Variants in DPH6 observed in about 807,000 individuals in gnomAD.
DPH6 encodes the protein diphthamine biosynthesis 6, also known as diphthine--ammonia ligase.
A neutral mutation model predicts 38.2 loss-of-function variants in DPH6; 33 were observed. That is an observed-to-expected ratio of 0.86 (90% confidence interval 0.65 to 1.15). The LOEUF (loss-of-function observed/expected upper bound fraction) is 1.15, where lower values mean the gene tolerates loss of function less well. Ranked by LOEUF, DPH6 falls within the 50% of genes most tolerant of loss-of-function variation. DPH6 has a pLI of 0.00. For synonymous variants in DPH6, 108 were observed against 103.0 expected (o/e 1.05, Z -0.30); for missense variants, 325 against 320.0 (o/e 1.02, Z -0.12).
intron 3 of DPH6, among the ~76,000 whole-genome samples, chr15:35,351,479 C>T (rs1038618954): frequency 6.6e-6 from 1 of 151,852 alleles, no homozygotes; most frequent in Non-Finnish European, 1.5e-5. Flanking sequence ...TTCTCTTGCT[C>T]CTCTCTTCTT....
At position 35,546,133 on chromosome 15, in the gene DPH6, G is replaced by A. The variant is rs1595461377; in HGVS notation, c.9C>T (p.Val3=). The change falls in exon 1 of 9, where the codon GTC becomes GTT. Residue 3 remains valine, a synonymous_variant. Transcript: ENST00000256538. ...GACCGCATTACCTGATCAGAGCCGC[G>A]ACCCTCATGCTGGGCGCAGTGCGCG... MR[V]AALISGGKDS... The A allele has an allele frequency of 2.1e-6, 3 of 1,405,478 alleles. No individual in the cohort carries two copies. The highest frequency in any genetic ancestry group is 3.2e-5 in the South Asian group (2 of 62,532). 87.1% of individuals were successfully genotyped at this position (1,405,478 alleles called of 1,614,324 possible).
intron 6 of DPH6, among the ~76,000 whole-genome samples, chr15:35,389,298 T>A (rs1322045105): frequency 6.6e-6 from 1 of 152,216 alleles, no homozygotes; most frequent in East Asian, 1.9e-4. Context: ...GGTGTGGTGC[T>A]GAAAAGAATG....
At chr15:35,258,732 C>G (rs1190852582) in intron 3 of DPH6, among the ~76,000 whole-genome samples, 1 of 152,080 alleles carries the variant, frequency 6.6e-6, no homozygotes, top group Non-Finnish European at 1.5e-5. Flanking sequence ...TATAAAGTTT[C>G]CTAAGGACTC....
At chr15:35,513,017 TTAAG>T (rs2054796142) in intron 3 of DPH6, among the ~76,000 whole-genome samples, 1 of 152,064 alleles carries the variant, frequency 6.6e-6, no homozygotes, top group African/African-American at 2.4e-5. Context: ...TGATAGAATA[TTAAG>T]TAATCATTAA....
At chr15:35,146,069 CTGTGTGTG>C in the DPH6 span, among the ~76,000 whole-genome samples, 5,038 of 147,068 alleles carry the variant, frequency 0.034, 216 homozygotes, top group African/African-American at 0.11. Context: ...CTTATAGTTT[CTGTGTGTG>C]TGTGTGTGTG....
At chr15:35,310,762 T>C (rs2052134321) in intron 3 of DPH6, among the ~76,000 whole-genome samples, 1 of 151,956 alleles carries the variant, frequency 6.6e-6, no homozygotes, top group African/African-American at 2.4e-5. Context: ...GTTTAGATCA[T>C]AAATTGGCCG....
intron 3 of DPH6, among the ~76,000 whole-genome samples, chr15:35,339,450 T>C (rs2052403397): frequency 6.6e-6 from 1 of 151,942 alleles, no homozygotes; most frequent in Non-Finnish European, 1.5e-5. Flanking sequence ...TCAGCCTCCC[T>C]AGTAGCTGGG....
chr15:35,483,457 C>G lies in DPH6; in HGVS notation c.313-28637G>C, dbSNP rs192287736. Among the ~76,000 whole-genome samples, 98 of 148,142 alleles carry G rather than the reference C, an allele frequency of 6.6e-4. No individual in the cohort carries two copies. The East Asian group carries it at 0.017, about 26-fold the overall frequency. Reference sequence around the variant, plus strand: ...CCAGCCTGGGCAACAGAGCGAGACTCTGTCTCAAAAAAAAACCAAAAAAAA... The same window carrying G: ...CCAGCCTGGGCAACAGAGCGAGACTGTGTCTCAAAAAAAAACCAAAAAAAA... On this transcript the variant is annotated intron_variant, in intron 3 of 8. Transcript: ENST00000256538.
intron 6 of DPH6, among the ~76,000 whole-genome samples, chr15:35,409,108 T>C (rs556067585): frequency 6.6e-6 from 1 of 151,924 alleles, no homozygotes; most frequent in African/African-American, 2.4e-5. Flanking sequence ...GCCTCAGCCA[T>C]ATAAATAGGA....
At chr15:35,496,567 A>AAAAAAAAAAAAAAAAAAAAAAT in intron 3 of DPH6, among the ~76,000 whole-genome samples, 1 of 31,014 alleles carries the variant, frequency 3.2e-5, no homozygotes, top group African/African-American at 1.4e-4. Flanking sequence ...AAAAAAAAAA[A>AAAAAAAAAAAAAAAAAAAAAAT]ATATATATAT....
intron 3 of DPH6, among the ~76,000 whole-genome samples, chr15:35,470,581 G>A (rs893312693): frequency 5.3e-5 from 8 of 152,286 alleles, no homozygotes; most frequent in Middle Eastern, 3.4e-3. Flanking sequence ...AAGGTAACAC[G>A]TTTGCTCCTA....
intron 3 of DPH6, among the ~76,000 whole-genome samples, chr15:35,504,569 T>C (rs901787886): frequency 2.0e-5 from 3 of 151,914 alleles, no homozygotes; most frequent in African/African-American, 7.3e-5. Context: ...CTAATAAATC[T>C]GGGTCATTCT....
intron 6 of DPH6, among the ~76,000 whole-genome samples, chr15:35,404,548 T>G (rs907445383): frequency 3.3e-5 from 5 of 152,152 alleles, no homozygotes; most frequent in African/African-American, 1.2e-4. Flanking sequence ...CATTCAATTC[T>G]TTTGTCCATT....
At chr15:35,428,883 T>C (rs2053600302) in intron 5 of DPH6, among the ~76,000 whole-genome samples, 1 of 152,130 alleles carries the variant, frequency 6.6e-6, no homozygotes, top group African/African-American at 2.4e-5. Context: ...CCCACTTTTA[T>C]GCAATCTTTC....
At chr15:35,358,705 G>T (rs1227733364) in intron 3 of DPH6, among the ~76,000 whole-genome samples, 1 of 152,136 alleles carries the variant, frequency 6.6e-6, no homozygotes, top group Non-Finnish European at 1.5e-5. Flanking sequence ...TGGTATTGGG[G>T]GTTGTCTGCA....
intron 3 of DPH6, among the ~76,000 whole-genome samples, chr15:35,480,978 T>TA (rs11332940): frequency 1.7e-4 from 26 of 150,062 alleles, no homozygotes; most frequent in Non-Finnish European, 3.6e-4. Context: ...GGGTATTCTT[T>TA]AAAAAAAAAA....
chr15:35,355,346 T>A (rs1260128326), intron 3 of DPH6, among the ~76,000 whole-genome samples: 1 of 152,210 alleles, frequency 6.6e-6, no homozygotes, highest in East Asian at 1.9e-4. Context: ...AGGTAGTAAT[T>A]TTGCTCGTTA....
At chr15:35,478,367 A>ACC (rs1491447324) in intron 3 of DPH6, among the ~76,000 whole-genome samples, 2 of 8,214 alleles carry the variant, frequency 2.4e-4, no homozygotes, top group African/African-American at 2.6e-4. Flanking sequence ...ACCCACACAT[A>ACC]CACACACACA....
intron 3 of DPH6, among the ~76,000 whole-genome samples, chr15:35,252,006 G>A (rs966099547): frequency 1.3e-5 from 2 of 152,206 alleles, no homozygotes; most frequent in Non-Finnish European, 2.9e-5. Context: ...AGGCGTGGTA[G>A]TGGGGGGCCT....
Sources: gnomAD v4.1 joint callset for allele counts (sites outside exome capture counted in the v4.1 genomes callset) on GRCh38, gnomAD v4.1.1 for gene constraint, MANE v1.5 for transcripts, NCBI Gene and HGNC (gene_info 2026-07-23, HGNC 2026-07-21) for gene names.